The following RSRC1 variants were observed in gnomAD, a reference collection of about 807,000 sequenced individuals.
The protein encoded by RSRC1 is serine/Arginine-related protein 53.
A neutral mutation model predicts 49.1 loss-of-function variants in RSRC1; 39 were observed. The observed-to-expected ratio is 0.79, with a 90% confidence interval of 0.61 to 1.04. The LOEUF is 1.04. RSRC1 is among the 50% of genes least tolerant of loss of function. RSRC1 has a pLI of 0.00. For synonymous variants in RSRC1, 143 were observed against 130.8 expected, an observed-to-expected ratio of 1.09 and a Z score of -0.63; for missense variants, 388 against 402.4, an observed-to-expected ratio of 0.96 and a Z score of 0.31.
intron 6 of RSRC1, among the ~76,000 whole-genome samples, chr3:158,360,224 G>T (rs1402248340): frequency 6.6e-6 from 1 of 152,154 alleles, no homozygotes; most frequent in Admixed American, 6.5e-5. Context: ...AGCAGAGAAG[G>T]TAGCCTCTCT....
intron 6 of RSRC1, among the ~76,000 whole-genome samples, chr3:158,430,619 G>A (rs1189173015): frequency 6.6e-6 from 1 of 151,844 alleles, no homozygotes; most frequent in African/African-American, 2.4e-5. Context: ...CCTGTTGCTA[G>A]GCAATAGGGA....
chr3:158,452,411 T>C (rs984215516), intron 6 of RSRC1, among the ~76,000 whole-genome samples: 11 of 152,152 alleles, frequency 7.2e-5, no homozygotes, highest in African/African-American at 2.4e-4. Flanking sequence ...TGAATGAACA[T>C]GAGAAAGAAT....
chr3:158,422,100 G>A (rs1578455611), intron 6 of RSRC1, among the ~76,000 whole-genome samples: 2 of 150,136 alleles, frequency 1.3e-5, no homozygotes, highest in South Asian at 2.1e-4. Context: ...TATACTTTAA[G>A]TTTTAGGGTA....
chr3:158,256,083 A>T (rs533728467), intron 4 of RSRC1, among the ~76,000 whole-genome samples: 3 of 152,136 alleles, frequency 2.0e-5, no homozygotes, highest in African/African-American at 7.2e-5. Context: ...CCCTGGCCAG[A>T]ACCTCCAACA....
intron 4 of RSRC1, among the ~76,000 whole-genome samples, chr3:158,233,327 T>C (rs1723068712): frequency 6.6e-6 from 1 of 152,188 alleles, no homozygotes; most frequent in Non-Finnish European, 1.5e-5. Context: ...GCTATCAGTT[T>C]GGTGTCTTTG....
intron 6 of RSRC1, among the ~76,000 whole-genome samples, chr3:158,455,738 G>C (rs1362271250): frequency 7.9e-5 from 12 of 152,058 alleles, no homozygotes; most frequent in Middle Eastern, 3.2e-3. Context: ...CCAGCACTTT[G>C]GGAGGCCGAG....
chr3:158,268,697 T>A (rs1213492441), intron 4 of RSRC1, among the ~76,000 whole-genome samples: 1 of 152,208 alleles, frequency 6.6e-6, no homozygotes, highest in Non-Finnish European at 1.5e-5. Flanking sequence ...ACTTAGTTAT[T>A]ATAATTGTTT....
At position 158,347,480 on chromosome 3, in the gene RSRC1, G is replaced by A. The variant is rs1043878789; in HGVS notation, c.532-7377G>A. On this transcript the variant is annotated intron_variant, in intron 5 of 9. Transcript: ENST00000611884. Reference sequence around the variant, plus strand: ...ATTTTATATTCTTTTTGTATAAAGAGAACATATGATAATATGGAATTGAGG... The same window carrying A: ...ATTTTATATTCTTTTTGTATAAAGAAAACATATGATAATATGGAATTGAGG... 7.2e-4 allele frequency among the ~76,000 whole-genome samples: 110 copies of A among 152,252 alleles called. 1 individual carries two copies. Among genetic ancestry groups the A allele is most frequent in the Middle Eastern group, 6.8e-3 (2 of 294 alleles).
Position 158,362,875 on chromosome 3 carries a change from A to G in RSRC1, c.583+7967A>G, listed in dbSNP as rs149379088. Among the ~76,000 whole-genome samples, 28 of 152,358 alleles carry G rather than the reference A, an allele frequency of 1.8e-4. No individual in the cohort carries two copies. In the East Asian group the frequency reaches 3.1e-3, roughly 17 times the overall value. On this transcript the variant is annotated intron_variant, in intron 6 of 9. Coordinates refer to ENST00000611884, the MANE Select transcript of RSRC1 (RefSeq NM_001271838.2). ...AGATATTTTTTATCAGTATGAGAAG[A>G]CAATACCTGTAACACAATTTTCTTT...
chr3:158,524,593 A>G (rs1346798191), intron 7 of RSRC1, among the ~76,000 whole-genome samples: 3 of 152,018 alleles, frequency 2.0e-5, no homozygotes, highest in African/African-American at 4.8e-5. Flanking sequence ...TCCTGTTCAG[A>G]CATGTTATGA....
At chr3:158,528,538 G>A (rs144907219) in intron 7 of RSRC1, among the ~76,000 whole-genome samples, 77 of 152,028 alleles carry the variant, frequency 5.1e-4, no homozygotes, top group African/African-American at 1.7e-3. Flanking sequence ...CCTGACAGGC[G>A]AGTTGTGTGT....
chr3:158,227,259 A>G (rs1024827291), intron 4 of RSRC1, among the ~76,000 whole-genome samples: 4 of 151,894 alleles, frequency 2.6e-5, no homozygotes, highest in African/African-American at 4.8e-5. Context: ...GCTGAATACA[A>G]ACTCAGTTAC....
At chr3:158,326,224 T>C (rs544938525) in intron 5 of RSRC1, among the ~76,000 whole-genome samples, 1 of 152,298 alleles carries the variant, frequency 6.6e-6, no homozygotes, top group East Asian at 1.9e-4. Flanking sequence ...CCTTTATTCC[T>C]TTCTCCTGCC....
chr3:158,322,893 A>G (rs1479987286), intron 5 of RSRC1, among the ~76,000 whole-genome samples: 1 of 151,970 alleles, frequency 6.6e-6, no homozygotes, highest in East Asian at 1.9e-4. Flanking sequence ...CAGATCTGTT[A>G]ATGAGCTCAT....
At chr3:158,386,355 A>G (rs1732964856) in intron 6 of RSRC1, among the ~76,000 whole-genome samples, 2 of 152,074 alleles carry the variant, frequency 1.3e-5, no homozygotes, top group Non-Finnish European at 2.9e-5. Context: ...TCAATTTAAA[A>G]TATTTATTTT....
At chr3:158,153,301 C>G (rs6786300) in intron 3 of RSRC1, among the ~76,000 whole-genome samples, 4,504 of 152,226 alleles carry the variant, frequency 0.03, 228 homozygotes, top group African/African-American at 0.1. Flanking sequence ...GGGTATGGAA[C>G]TCTCTTCTTG....
chr3:158,447,696 A>G (rs1248043458), intron 6 of RSRC1, among the ~76,000 whole-genome samples: 1 of 151,942 alleles, frequency 6.6e-6, no homozygotes, highest in African/African-American at 2.4e-5. Context: ...GTAGGCCAGC[A>G]TAAGTTGTTT....
At chr3:158,355,261 A>T (rs1443934413) in intron 6 of RSRC1, among the ~76,000 whole-genome samples, 1 of 151,812 alleles carries the variant, frequency 6.6e-6, no homozygotes, top group Non-Finnish European at 1.5e-5. Flanking sequence ...TTTTTTTCTT[A>T]CATTTTCTTT....
At chr3:158,470,360 A>ATATATG (rs1187810453) in intron 7 of RSRC1, among the ~76,000 whole-genome samples, 2 of 81,954 alleles carry the variant, frequency 2.4e-5, no homozygotes, top group African/African-American at 9.1e-5. Flanking sequence ...ACACACACAC[A>ATATATG]CATATATATA....
Sources: gnomAD v4.1 joint callset for allele counts (sites outside exome capture counted in the v4.1 genomes callset) on GRCh38, gnomAD v4.1.1 for gene constraint, MANE v1.5 for transcripts, NCBI Gene and HGNC (gene_info 2026-07-23, HGNC 2026-07-21) for gene names.